Variants in MAMLD1 observed in about 807,000 individuals in gnomAD.
The protein encoded by MAMLD1 is mastermind like domain containing 1, also known as mastermind-like domain-containing protein 1.
Under a neutral mutation model 45.0 loss-of-function variants are expected in MAMLD1, and 14 were observed. The observed-to-expected ratio is 0.31, with a 90% CI of 0.21 to 0.49. The LOEUF is 0.49. MAMLD1 is among the 20% of genes least tolerant of loss of function. MAMLD1 has a pLI of 0.99. For missense variants in MAMLD1, 543 were observed against 603.6 expected, an observed-to-expected ratio of 0.90 and a Z score of 1.05; for synonymous variants, 254 against 247.8, an observed-to-expected ratio of 1.02 and a Z score of -0.24.
At chrX:150,433,926 T>C (rs1171419167) in intron 1 of MAMLD1, among the ~76,000 whole-genome samples, 1 of 112,081 alleles carries the variant, frequency 8.9e-6, no homozygotes, top group Non-Finnish European at 1.9e-5. Context: ...CCTCACAGAA[T>C]GAGTTATAGA....
In MAMLD1 at chrX:150,510,823, C is replaced by A. The variant is rs140394563; in HGVS notation, c.*44+777C>A. ...TATTGTAGCCCATGACACCTCTACACCATTGCTCTTCTGGTCTTATGGAAG... is the reference window on the plus strand; with the variant it reads ...TATTGTAGCCCATGACACCTCTACAACATTGCTCTTCTGGTCTTATGGAAG... On this transcript the variant is annotated intron_variant, in intron 7 of 7. Transcript: ENST00000370401. Among the ~76,000 whole-genome samples, 885 of 111,667 alleles carry A rather than the reference C, an allele frequency of 7.9e-3. 11 individuals are homozygous for A. Among genetic ancestry groups the A allele is most frequent in the African/African-American group, 0.027 (832 of 30,672 alleles).
intron 5 of MAMLD1, among the ~76,000 whole-genome samples, chrX:150,500,099 G>A (rs2037507639): frequency 8.9e-6 from 1 of 112,386 alleles, no homozygotes; most frequent in Non-Finnish European, 1.9e-5. Flanking sequence ...GAGGGATTTA[G>A]AGATGATTAA....
In MAMLD1 at chrX:150,470,197, G is replaced by A; in HGVS notation, c.624G>A (p.Leu208=). 8.3e-7 allele frequency: 1 copy of A among 1,211,855 alleles called. No individual in the cohort carries two copies. The highest frequency in any genetic ancestry group is 3.0e-5 in the East Asian group (1 of 33,827). ...KILGTKPEEP[L]VLDHPQATLS... The stretch of plus-strand genomic sequence containing the variant: ...TGGGGACGAAGCCAGAAGAGCCACT[G>A]GTTTTAGATCATCCCCAGGCAACCC... The change falls in exon 4 of 8, where the codon CTG becomes CTA. Residue 208 remains leucine, a synonymous_variant. Coordinates refer to ENST00000370401, the MANE Select transcript of MAMLD1 (RefSeq NM_005491.5).
chrX:150,396,519 T>C (rs1244715809), intron 1 of MAMLD1, among the ~76,000 whole-genome samples: 1 of 111,504 alleles, frequency 9.0e-6, no homozygotes, highest in Non-Finnish European at 1.9e-5. Context: ...ATCTCTAGTT[T>C]AATTCCATCG....
chrX:150,404,537 G>T (rs1309043138), intron 1 of MAMLD1, among the ~76,000 whole-genome samples: 1 of 111,995 alleles, frequency 8.9e-6, no homozygotes, highest in African/African-American at 3.2e-5. Flanking sequence ...CTACAGCTTT[G>T]TTGAGGTGTA....
chrX:150,427,991 G>A (rs1482748488), intron 1 of MAMLD1, among the ~76,000 whole-genome samples: 1 of 111,201 alleles, frequency 9.0e-6, no homozygotes, highest in Non-Finnish European at 1.9e-5. Flanking sequence ...GGATCCAGCA[G>A]GGTCCATGGT....
At chrX:150,406,008 G>A (rs1004709797) in intron 1 of MAMLD1, among the ~76,000 whole-genome samples, 1 of 111,606 alleles carries the variant, frequency 9.0e-6, no homozygotes, top group East Asian at 2.8e-4. Context: ...GTGATGGGGT[G>A]AGAGGGTGGG....
chrX:150,477,979 T>C (rs781897241), intron 5 of MAMLD1, among the ~76,000 whole-genome samples: 1 of 111,700 alleles, frequency 9.0e-6, no homozygotes, highest in Admixed American at 9.4e-5. Flanking sequence ...CCCTCTCTCC[T>C]CTCGTTTCCG....
intron 6 of MAMLD1, chrX:150,504,075 C>A: frequency 2.7e-6 from 2 of 753,476 alleles, no homozygotes; most frequent in Non-Finnish European, 3.1e-6. Flanking sequence ...GGAGGACTGG[C>A]AGTCTGGGTA....
chrX:150,460,894 C>T (rs2036015700), intron 2 of MAMLD1, among the ~76,000 whole-genome samples: 1 of 112,032 alleles, frequency 8.9e-6, no homozygotes, highest in East Asian at 2.8e-4. Flanking sequence ...AGTCCAGGGC[C>T]CTCCCCACCT....
intron 1 of MAMLD1, among the ~76,000 whole-genome samples, chrX:150,379,898 T>C (rs925728336): frequency 1.8e-5 from 2 of 112,466 alleles, no homozygotes; most frequent in East Asian, 2.8e-4. Flanking sequence ...CTGCATTGTG[T>C]AGATGTACCA....
intron 5 of MAMLD1, among the ~76,000 whole-genome samples, chrX:150,485,274 A>G (rs5924735): frequency 0.27 from 30,197 of 110,031 alleles, 3,534 homozygotes; most frequent in East Asian, 0.59. Flanking sequence ...AACTTGATTT[A>G]TGTCTATTTC....
rs1461015362 is a variant in MAMLD1 at position 150,503,507 on chromosome X, C to T, written c.2274C>T (p.Cys758=). The T allele has an allele frequency of 1.1e-5, 12 of 1,109,271 alleles. No individual in the cohort carries two copies. The highest frequency in any genetic ancestry group is 1.8e-5 in the African/African-American group (1 of 55,227). 91.4% of individuals were successfully genotyped at this position (1,109,271 alleles called of 1,213,427 possible). A position where few individuals can be genotyped will look rare whatever the true frequency, so the allele number is the denominator to read the frequency against. The change falls in exon 6 of 8, where the codon TGC becomes TGT. Residue 758 remains cysteine (C), a synonymous_variant. Transcript: ENST00000370401. ...TGCCCGCTCCACTACTGCCTAGCTG[C>T]GACGCCACAGGTAAGTCACTTCCCC... ...RQVPAPLLPS[C]DATARGTEIR...
chrX:150,445,748 T>A (rs2035467607), intron 2 of MAMLD1, 136 bp downstream of exon 2: 1 of 502,209 alleles, frequency 2.0e-6, no homozygotes, highest in East Asian at 3.7e-5. Flanking sequence ...AATTCAAATG[T>A]GATCTAGAAG....
chrX:150,489,977 C>G (rs782504067), intron 5 of MAMLD1, among the ~76,000 whole-genome samples: 12 of 111,582 alleles, frequency 1.1e-4, no homozygotes, highest in African/African-American at 3.9e-4. Context: ...ATAGAGAGTC[C>G]TTGAGCCAAA....
intron 1 of MAMLD1, among the ~76,000 whole-genome samples, chrX:150,432,751 T>C (rs1446819242): frequency 1.8e-5 from 2 of 111,967 alleles, no homozygotes; most frequent in African/African-American, 6.5e-5. Context: ...TTCCGGGCTC[T>C]CTATTATGTT....
intron 5 of MAMLD1, among the ~76,000 whole-genome samples, chrX:150,489,486 C>T (rs142679155): frequency 0.14 from 15,695 of 108,982 alleles, 1,105 homozygotes; most frequent in Admixed American, 0.31. Flanking sequence ...CTCCTAATGA[C>T]ATCATATTGT....
chrX:150,451,745 C>G lies in MAMLD1; in HGVS notation c.96+6133C>G, dbSNP rs782739816. Among the ~76,000 whole-genome samples the G allele has an allele frequency of 2.8e-4, 31 of 110,953 alleles. 1 individual carries two copies. In the Admixed American group the frequency reaches 2.9e-3, roughly 10 times the overall value. On this transcript the variant is annotated intron_variant, in intron 2 of 7. Transcript: ENST00000370401. ...TCCTCATCTCCCTCCTACCTTCTCA[C>G]CAGATCTCCAACCCCTAAATTCCAA...
In MAMLD1 at chrX:150,512,223, T is replaced by C; in HGVS notation, c.*264T>C. On this transcript the variant is annotated 3_prime_UTR_variant, in exon 8 of 8. Transcript: ENST00000370401. Reference sequence around the variant, plus strand: ...ACCTCCAGCCCCCAGTGTCCCATCCTCTCACACTCAGGCCAGACTCCCCTG... The same window carrying C: ...ACCTCCAGCCCCCAGTGTCCCATCCCCTCACACTCAGGCCAGACTCCCCTG... 8.9e-7 allele frequency: 1 copy of C among 1,122,683 alleles called. No individual in the cohort carries two copies. Among genetic ancestry groups the C allele is most frequent in the Non-Finnish European group, 1.2e-6 (1 of 853,890 alleles). 92.5% of individuals were successfully genotyped at this position (1,122,683 alleles called of 1,213,427 possible).
Sources: allele counts gnomAD v4.1 joint callset (sites outside exome capture counted in the v4.1 genomes callset), GRCh38; gene constraint gnomAD v4.1.1; transcripts MANE v1.5; gene names NCBI Gene and HGNC (gene_info 2026-07-23, HGNC 2026-07-21).